The following SHISA9 variants were observed in gnomAD, a reference collection of about 807,000 sequenced individuals.
The protein encoded by SHISA9 is protein shisa-9.
In SHISA9, 13 loss-of-function variants were observed where a neutral mutation model predicts 38.0. The observed-to-expected ratio is 0.34, with a 90% CI of 0.22 to 0.54. The LOEUF is 0.54. Ranked by LOEUF, SHISA9 falls within the 20% of genes least tolerant of loss-of-function variation. SHISA9 has a pLI of 0.91. For missense variants in SHISA9, 538 were observed against 575.8 expected, an observed-to-expected ratio of 0.93 and a Z score of 0.67; for synonymous variants, 275 against 242.0, an observed-to-expected ratio of 1.14 and a Z score of -1.27.
chr16:12,911,944 C>T (rs2071189455), intron 1 of SHISA9, among the ~76,000 whole-genome samples: 1 of 152,220 alleles, frequency 6.6e-6, no homozygotes, highest in South Asian at 2.1e-4. Context: ...ATTACTTTTA[C>T]CCCAAGCTAA....
the SHISA9 span, among the ~76,000 whole-genome samples, chr16:13,390,539 C>A: frequency 1.3e-5 from 2 of 152,086 alleles, no homozygotes; most frequent in African/African-American, 4.8e-5. Flanking sequence ...CTGCTGCTGC[C>A]CTTTTCTGAA....
chr16:13,211,017 C>T (rs2051113833), intron 3 of SHISA9, among the ~76,000 whole-genome samples: 1 of 152,166 alleles, frequency 6.6e-6, no homozygotes, highest in Non-Finnish European at 1.5e-5. Flanking sequence ...AAAAGTTTGG[C>T]TGGGCACAGT....
At chr16:13,277,029 A>G in the SHISA9 span, among the ~76,000 whole-genome samples, 1 of 152,176 alleles carries the variant, frequency 6.6e-6, no homozygotes, top group African/African-American at 2.4e-5. Flanking sequence ...GTTATCTTCT[A>G]GAATTTTTAT....
chr16:13,340,263 A>G, the SHISA9 span, among the ~76,000 whole-genome samples: 1 of 152,174 alleles, frequency 6.6e-6, no homozygotes, highest in Non-Finnish European at 1.5e-5. Context: ...TTAACCTCCT[A>G]TATTTGGCCA....
chr16:13,116,489 G>A (rs1370405229), intron 2 of SHISA9, among the ~76,000 whole-genome samples: 2 of 152,228 alleles, frequency 1.3e-5, no homozygotes, highest in Non-Finnish European at 1.5e-5. Flanking sequence ...AGAAGGTGCA[G>A]CAGGGATGTC....
downstream of SHISA9, among the ~76,000 whole-genome samples, chr16:13,244,220 C>T (rs576618224): frequency 3.9e-5 from 6 of 152,000 alleles, no homozygotes; most frequent in African/African-American, 1.4e-4. Flanking sequence ...ACAAAAAAAA[C>T]CCATTATCTC....
the SHISA9 span, among the ~76,000 whole-genome samples, chr16:13,361,461 T>C: frequency 6.6e-6 from 1 of 152,256 alleles, no homozygotes; most frequent in African/African-American, 2.4e-5. Flanking sequence ...TGCTGTGTGC[T>C]GAGCATTTTA....
chr16:13,474,459 A>G, the SHISA9 span: 1 of 152,210 alleles, frequency 6.6e-6, no homozygotes, highest in Non-Finnish European at 1.5e-5. Context: ...ATACCGTTTA[A>G]TCTTCAAAAC....
intron 2 of SHISA9, among the ~76,000 whole-genome samples, chr16:12,951,619 G>T (rs1031316186): frequency 1.3e-5 from 2 of 152,192 alleles, no homozygotes; most frequent in Non-Finnish European, 2.9e-5. Context: ...ACTCATATTG[G>T]CTGGGGATGG....
At chr16:13,328,588 GTA>G in the SHISA9 span, among the ~76,000 whole-genome samples, 17 of 103,028 alleles carry the variant, frequency 1.7e-4, no homozygotes, top group South Asian at 5.7e-3. Flanking sequence ...AAATATATGT[GTA>G]TACACACACA....
chr16:12,914,060 T>G (rs2071222118), intron 1 of SHISA9, among the ~76,000 whole-genome samples: 1 of 149,548 alleles, frequency 6.7e-6, no homozygotes, highest in Non-Finnish European at 1.5e-5. Flanking sequence ...TTTTTTTTTT[T>G]TTTGAGATGG....
At chr16:13,559,788 G>C in the SHISA9 span, among the ~76,000 whole-genome samples, 1 of 152,176 alleles carries the variant, frequency 6.6e-6, no homozygotes, top group Non-Finnish European at 1.5e-5. Context: ...TCAGGGCTTA[G>C]AACAGAGTGG....
At chr16:13,001,352 A>G (rs908104849) in intron 2 of SHISA9, among the ~76,000 whole-genome samples, 4 of 152,160 alleles carry the variant, frequency 2.6e-5, no homozygotes, top group African/African-American at 9.7e-5. Context: ...GGGCTGGCCA[A>G]TCCTGAGATT....
chr16:13,543,746 T>A, the SHISA9 span, among the ~76,000 whole-genome samples: 1 of 152,178 alleles, frequency 6.6e-6, no homozygotes, highest in African/African-American at 2.4e-5. Context: ...TCCCAAATGC[T>A]GCTGCAGAGC....
chr16:12,974,608 C>G (rs2072132027), intron 2 of SHISA9, among the ~76,000 whole-genome samples: 1 of 150,600 alleles, frequency 6.6e-6, no homozygotes, highest in Admixed American at 6.6e-5. Flanking sequence ...GCCTCAGCCT[C>G]CTGAGTAGCT....
the SHISA9 span, among the ~76,000 whole-genome samples, chr16:13,289,397 G>T: frequency 1.3e-5 from 2 of 151,614 alleles, no homozygotes; most frequent in Admixed American, 6.6e-5. Context: ...GGGTTGGGGG[G>T]TGCTGATGGG....
the SHISA9 span, among the ~76,000 whole-genome samples, chr16:13,248,803 G>A: frequency 6.6e-6 from 1 of 152,170 alleles, no homozygotes; most frequent in Non-Finnish European, 1.5e-5. Context: ...TGCAAGGAAG[G>A]AATTTTGGAA....
intron 2 of SHISA9, among the ~76,000 whole-genome samples, chr16:12,933,849 G>T (rs1355706716): frequency 6.6e-6 from 1 of 152,164 alleles, no homozygotes; most frequent in Non-Finnish European, 1.5e-5. Context: ...GGGAGCCTAT[G>T]TTATAGTGGG....
At position 13,237,030 on chromosome 16, in the gene SHISA9, G is replaced by C. The variant is rs1258132024; in HGVS notation, c.*1621G>C. The stretch of plus-strand genomic sequence containing the variant: ...TGAGAGAGAAGAGATTTTTATCTAA[G>C]GTGGAAGGTTTTTCAACTAGCCCCT... On this transcript the variant is annotated 3_prime_UTR_variant, in exon 5 of 5. Coordinates refer to ENST00000558583, the MANE Select transcript of SHISA9 (RefSeq NM_001145204.3). 6.6e-6 allele frequency: 1 copy of C among 152,088 alleles called. No individual in the cohort carries two copies. Among genetic ancestry groups the C allele is most frequent in the African/African-American group, 2.4e-5 (1 of 41,406 alleles). 9.4% of individuals were successfully genotyped at this position (152,088 alleles called of 1,614,324 possible).
Sources: gnomAD v4.1 joint callset for allele counts (sites outside exome capture counted in the v4.1 genomes callset) on GRCh38, gnomAD v4.1.1 for gene constraint, MANE v1.5 for transcripts, NCBI Gene and HGNC (gene_info 2026-07-23, HGNC 2026-07-21) for gene names.